Variants in TBCK observed in about 807,000 individuals in gnomAD.
TBCK encodes TBC domain-containing protein kinase-like protein.
A neutral mutation model predicts 113.4 loss-of-function variants in TBCK; 99 were observed. The ratio of observed to expected loss-of-function variants is 0.87; its 90% CI spans 0.74 to 1.03. The LOEUF (loss-of-function observed/expected upper bound fraction) is 1.03, where lower values mean the gene tolerates loss of function less well. Among genes scored for constraint, TBCK ranks in the 50% least tolerant of loss-of-function variants. The pLI is 0.00. For missense variants in TBCK, 1,045 were observed against 1,061.3 expected (o/e 0.98, Z 0.21); for synonymous variants, 369 against 370.8 (o/e 1.00, Z 0.05).
chr4:106,146,181 T>C (rs1286231788), intron 23 of TBCK, among the ~76,000 whole-genome samples: 3 of 152,134 alleles, frequency 2.0e-5, no homozygotes, highest in African/African-American at 4.8e-5. Context: ...AAAGAAAATG[T>C]GGTACATATA....
intron 24 of TBCK, among the ~76,000 whole-genome samples, chr4:106,103,521 C>T (rs958752496): frequency 6.6e-6 from 1 of 152,208 alleles, no homozygotes; most frequent in African/African-American, 2.4e-5. Flanking sequence ...AAGCACAAGA[C>T]TGGCTCTGCA....
chr4:106,160,611 G>A (rs1269668876), intron 23 of TBCK, among the ~76,000 whole-genome samples: 1 of 151,796 alleles, frequency 6.6e-6, no homozygotes, highest in Non-Finnish European at 1.5e-5. Context: ...AATCAAAATA[G>A]AAAAGTGTTC....
intron 23 of TBCK, among the ~76,000 whole-genome samples, chr4:106,120,462 C>T (rs931083630): frequency 1.3e-5 from 2 of 152,192 alleles, no homozygotes; most frequent in African/African-American, 4.8e-5. Flanking sequence ...GTGGAGCCCA[C>T]CACAGCTCAA....
chr4:106,236,176 A>G (rs373598885), intron 14 of TBCK, among the ~76,000 whole-genome samples: 1 of 152,096 alleles, frequency 6.6e-6, no homozygotes, highest in East Asian at 1.9e-4. Flanking sequence ...CTTTTTTAAC[A>G]TGATTTTGCA....
At chr4:106,078,230 T>C (rs77896929) in intron 25 of TBCK, among the ~76,000 whole-genome samples, 6,270 of 151,980 alleles carry the variant, frequency 0.041, 436 homozygotes, top group African/African-American at 0.14. Context: ...CGAGGAACTA[T>C]AAAAATAGGA....
At chr4:106,136,933 G>T (rs1195917232) in intron 23 of TBCK, among the ~76,000 whole-genome samples, 1 of 141,412 alleles carries the variant, frequency 7.1e-6, no homozygotes, top group South Asian at 2.4e-4. Flanking sequence ...AATACAGAAA[G>T]AGAAAATATA....
chr4:106,086,573 C>T (rs1286211304), intron 25 of TBCK, among the ~76,000 whole-genome samples: 1 of 152,224 alleles, frequency 6.6e-6, no homozygotes, highest in African/African-American at 2.4e-5. Context: ...TCCTCCCTAA[C>T]TAATTTTATG....
intron 2 of TBCK, among the ~76,000 whole-genome samples, chr4:106,304,208 G>A (rs1560996315): frequency 2.0e-5 from 3 of 152,052 alleles, no homozygotes; most frequent in Non-Finnish European, 4.4e-5. Context: ...GATAAATAAA[G>A]CTCTCCTTTC....
At chr4:106,177,049 A>G (rs1751753559) in intron 22 of TBCK, among the ~76,000 whole-genome samples, 1 of 151,604 alleles carries the variant, frequency 6.6e-6, no homozygotes, top group African/African-American at 2.4e-5. Context: ...ATGACCTACG[A>G]CAAGCCTGAA....
At chr4:106,285,585 T>A (rs903231113) in intron 3 of TBCK, among the ~76,000 whole-genome samples, 2 of 152,160 alleles carry the variant, frequency 1.3e-5, no homozygotes, top group Non-Finnish European at 2.9e-5. Context: ...TTAAATTTCT[T>A]ACCAAATATT....
intron 20 of TBCK, among the ~76,000 whole-genome samples, chr4:106,201,383 G>A (rs1754872005): frequency 6.6e-6 from 1 of 151,872 alleles, no homozygotes; most frequent in Non-Finnish European, 1.5e-5. Context: ...TGAATACCAG[G>A]TGGGTTTTGA....
At chr4:106,168,685 T>C (rs1750666953) in intron 23 of TBCK, among the ~76,000 whole-genome samples, 2 of 151,924 alleles carry the variant, frequency 1.3e-5, no homozygotes, top group Admixed American at 1.3e-4. Context: ...CTTTCCTGTA[T>C]ACCTGCAATG....
At chr4:106,285,229 C>A (rs955829852) in intron 3 of TBCK, among the ~76,000 whole-genome samples, 2 of 151,982 alleles carry the variant, frequency 1.3e-5, no homozygotes, top group Non-Finnish European at 2.9e-5. Flanking sequence ...ACTATCCACA[C>A]AAATAACATT....
chr4:106,314,230 A>G lies in TBCK; in HGVS notation c.-30+1701T>C, dbSNP rs958118373. On this transcript the variant is annotated intron_variant, in intron 1 of 25. Transcript: ENST00000394708. ...TCTGAAGTGATAAAGAAAAAGGTAGAATCACTACTTTTCTCGTTTTACCAA... is the reference window on the plus strand; with the variant it reads ...TCTGAAGTGATAAAGAAAAAGGTAGGATCACTACTTTTCTCGTTTTACCAA... 2.6e-5 allele frequency among the ~76,000 whole-genome samples: 4 copies of G among 152,332 alleles called. No individual in the cohort carries two copies. In the East Asian group the frequency reaches 7.7e-4, roughly 29 times the overall value.
At chr4:106,217,957 G>C (rs1468009122) in intron 19 of TBCK, among the ~76,000 whole-genome samples, 9 of 144,272 alleles carry the variant, frequency 6.2e-5, no homozygotes, top group Non-Finnish European at 1.4e-4. Context: ...CACGCTACCT[G>C]ACTTCAAACT....
At chr4:106,248,605 T>C (rs1161714188) in intron 8 of TBCK, among the ~76,000 whole-genome samples, 2 of 152,170 alleles carry the variant, frequency 1.3e-5, no homozygotes, top group African/African-American at 4.8e-5. Context: ...GCCAATGTGA[T>C]GGTATTAAGA....
At chr4:106,070,609 G>A (rs997493778) in intron 25 of TBCK, among the ~76,000 whole-genome samples, 6 of 151,850 alleles carry the variant, frequency 4.0e-5, no homozygotes, top group African/African-American at 1.5e-4. Context: ...TCTCTTTTTT[G>A]TGTGTGTGTC....
In TBCK at chr4:106,219,864, A is replaced by T. The variant is rs1241334879; in HGVS notation, c.1775-7029T>A. ...ATTGAAATGACAATAACATCATAAAACTTTTCCCTTCATAATCACAACTTT... is the reference window on the plus strand; with the variant it reads ...ATTGAAATGACAATAACATCATAAATCTTTTCCCTTCATAATCACAACTTT... On this transcript the variant is annotated intron_variant, in intron 19 of 25. Coordinates refer to ENST00000394708, the MANE Select transcript of TBCK (RefSeq NM_001163435.3). Among the ~76,000 whole-genome samples the T allele has an allele frequency of 3.9e-5, 6 of 152,306 alleles. No individual in the cohort carries two copies. In the East Asian group the frequency reaches 7.7e-4, roughly 20 times the overall value.
chr4:106,123,818 A>T (rs1744782584), intron 23 of TBCK, among the ~76,000 whole-genome samples: 1 of 149,090 alleles, frequency 6.7e-6, no homozygotes, highest in Non-Finnish European at 1.5e-5. Flanking sequence ...CTGAAACTGG[A>T]TCCCTTCCTT....
Sources: allele counts gnomAD v4.1 joint callset (sites outside exome capture counted in the v4.1 genomes callset), GRCh38; gene constraint gnomAD v4.1.1; transcripts MANE v1.5; gene names NCBI Gene and HGNC (gene_info 2026-07-23, HGNC 2026-07-21).